Variants in HDAC9 observed in about 807,000 individuals in gnomAD.
The protein encoded by HDAC9 is MEF-2 interacting transcription repressor (MITR) protein.
A neutral mutation model predicts 139.4 loss-of-function variants in HDAC9; 41 were observed. The ratio of observed to expected loss-of-function variants is 0.29; its 90% CI spans 0.23 to 0.38. The LOEUF (loss-of-function observed/expected upper bound fraction) is 0.38, where lower values mean the gene tolerates loss of function less well. HDAC9 is among the 10% of genes least tolerant of loss of function. HDAC9 has a pLI of 1.00. For missense variants in HDAC9, 1,147 were observed against 1,297.0 expected (o/e 0.88, Z 1.78); for synonymous variants, 517 against 476.2 (o/e 1.09, Z -1.12).
intron 22 of HDAC9, among the ~76,000 whole-genome samples, chr7:18,918,926 A>G (rs899976748): frequency 6.6e-6 from 1 of 152,044 alleles, no homozygotes; most frequent in Non-Finnish European, 1.5e-5. Context: ...GGTTGGTTCA[A>G]TAGAGCCCAA....
intron 1 of HDAC9, among the ~76,000 whole-genome samples, chr7:18,417,414 C>T (rs1246614000): frequency 6.6e-6 from 1 of 152,094 alleles, no homozygotes; most frequent in African/African-American, 2.4e-5. Context: ...TGGCTTTTCT[C>T]CTCACTATGG....
At chr7:18,948,920 C>T (rs887848840) in intron 23 of HDAC9, 39 of 327,116 alleles carry the variant, frequency 1.2e-4, no homozygotes, top group Middle Eastern at 1.2e-3. Flanking sequence ...GCTCCACTGC[C>T]AGAGATCTTG....
intron 22 of HDAC9, among the ~76,000 whole-genome samples, chr7:18,915,410 A>G (rs1427706561): frequency 6.6e-6 from 1 of 151,734 alleles, no homozygotes; most frequent in Non-Finnish European, 1.5e-5. Context: ...AAACCGCAAC[A>G]AACTATTTTT....
intron 11 of HDAC9, among the ~76,000 whole-genome samples, chr7:18,654,432 A>G (rs570981103): frequency 9.2e-5 from 14 of 152,076 alleles, no homozygotes; most frequent in African/African-American, 3.4e-4. Flanking sequence ...TATAAGCTGG[A>G]CTCCATACCA....
At chr7:18,767,199 C>CA (rs56084250) in intron 16 of HDAC9, 44 bp downstream of exon 16, 75,858 of 1,115,864 alleles carry the variant, frequency 0.068, 6,206 homozygotes, top group African/African-American at 0.32. Flanking sequence ...CATAAAATTA[C>CA]AAAAAAAAAT....
At chr7:18,209,348 C>A (rs1446538432) in intron 2 of HDAC9, among the ~76,000 whole-genome samples, 1 of 152,140 alleles carries the variant, frequency 6.6e-6, no homozygotes, top group Non-Finnish European at 1.5e-5. Context: ...AGAAATGAGC[C>A]CAGATCACAT....
chr7:18,388,971 C>T (rs1446005043), intron 1 of HDAC9, among the ~76,000 whole-genome samples: 1 of 152,150 alleles, frequency 6.6e-6, no homozygotes, highest in Non-Finnish European at 1.5e-5. Context: ...TCGTACCTTG[C>T]AGTCAGTGGC....
chr7:18,171,611 A>G (rs1375928818), intron 2 of HDAC9, among the ~76,000 whole-genome samples: 4 of 152,168 alleles, frequency 2.6e-5, no homozygotes, highest in Admixed American at 6.5e-5. Flanking sequence ...TTATTTTGAG[A>G]TATGTTCCAT....
intron 1 of HDAC9, among the ~76,000 whole-genome samples, chr7:18,121,666 C>CA (rs1410591305): frequency 6.6e-6 from 1 of 152,052 alleles, no homozygotes; most frequent in East Asian, 1.9e-4. Flanking sequence ...GTGTGGCAGT[C>CA]AAGTTAACCG....
Position 18,523,478 on chromosome 7 carries a change from G to T in HDAC9, c.22+27154G>T, listed in dbSNP as rs76983294. Among the ~76,000 whole-genome samples the T allele has an allele frequency of 5.3e-4, 81 of 152,302 alleles. 2 individuals carry two copies. The East Asian group carries it at 0.013, about 25-fold the overall frequency. ...TTTCCACATTCATAACTGGGTAGAT[G>T]TGTTGCCATTATTCATTCATTAATT... On this transcript the variant is annotated intron_variant, in intron 2 of 25. Coordinates refer to ENST00000686413, the MANE Select transcript of HDAC9 (RefSeq NM_178425.4).
At chr7:18,239,227 A>G (rs896138299) in intron 2 of HDAC9, among the ~76,000 whole-genome samples, 1 of 152,172 alleles carries the variant, frequency 6.6e-6, no homozygotes, top group Admixed American at 6.6e-5. Flanking sequence ...AAACAGAAGG[A>G]TACATCCTTT....
chr7:18,620,653 G>A (rs924148143), intron 6 of HDAC9, among the ~76,000 whole-genome samples: 26 of 152,232 alleles, frequency 1.7e-4, no homozygotes, highest in Admixed American at 5.2e-4. Flanking sequence ...TGGTGAGGAG[G>A]AGGAAAAGTG....
chr7:18,889,083 A>G lies in HDAC9; in HGVS notation c.2803+14487A>G, dbSNP rs772025750. On this transcript the variant is annotated intron_variant, in intron 22 of 25. Coordinates refer to ENST00000686413, the MANE Select transcript of HDAC9 (RefSeq NM_178425.4). ...TAATGTACACCTCTTACCACACGTG[A>G]TGTCTATGTACTCTCTACCCTACTC... 2.7e-4 allele frequency among the ~76,000 whole-genome samples: 41 copies of G among 152,108 alleles called. 1 individual carries two copies. The highest frequency in any genetic ancestry group is 5.4e-4 in the Non-Finnish European group (37 of 68,022).
At chr7:18,576,199 A>G (rs917125725) in intron 2 of HDAC9, among the ~76,000 whole-genome samples, 1 of 152,116 alleles carries the variant, frequency 6.6e-6, no homozygotes, top group East Asian at 1.9e-4. Flanking sequence ...TGAGTGGAGG[A>G]CAGGTATTAT....
intron 22 of HDAC9, among the ~76,000 whole-genome samples, chr7:18,914,264 A>G (rs1322396899): frequency 1.3e-5 from 2 of 151,474 alleles, no homozygotes; most frequent in Non-Finnish European, 2.9e-5. Context: ...TATGAGAAAT[A>G]CGTCTTTGTT....
chr7:18,096,727 C>T (rs764910861), intron 1 of HDAC9, among the ~76,000 whole-genome samples: 27 of 152,114 alleles, frequency 1.8e-4, no homozygotes, highest in East Asian at 3.8e-4. Context: ...GCTGATTGAC[C>T]GATTATTAAT....
intron 1 of HDAC9, among the ~76,000 whole-genome samples, chr7:18,368,326 A>G (rs1008410799): frequency 6.6e-6 from 1 of 152,016 alleles, no homozygotes; most frequent in Non-Finnish European, 1.5e-5. Context: ...TGTGTTTGGT[A>G]TGAGGTGCAG....
intron 13 of HDAC9, among the ~76,000 whole-genome samples, chr7:18,744,623 A>G (rs1787769896): frequency 6.6e-6 from 1 of 152,222 alleles, no homozygotes; most frequent in African/African-American, 2.4e-5. Context: ...AATTGTCTAT[A>G]AAGACTCTAT....
chr7:18,565,634 TAGAAAAAA>T (rs982823032), intron 2 of HDAC9, among the ~76,000 whole-genome samples: 3 of 151,430 alleles, frequency 2.0e-5, no homozygotes, highest in Admixed American at 6.6e-5. Flanking sequence ...GGTACTTCTG[TAGAAAAAA>T]AGAAAAAAAA....
Sources: allele counts gnomAD v4.1 joint callset (sites outside exome capture counted in the v4.1 genomes callset), GRCh38; gene constraint gnomAD v4.1.1; transcripts MANE v1.5; gene names NCBI Gene and HGNC (gene_info 2026-07-23, HGNC 2026-07-21).